Variants in FRMD4A observed in about 807,000 individuals in gnomAD.
FRMD4A encodes FERM domain-containing protein 4A.
A neutral mutation model predicts 129.1 loss-of-function variants in FRMD4A; 29 were observed. The ratio of observed to expected loss-of-function variants is 0.22; its 90% CI spans 0.17 to 0.31. FRMD4A has a LOEUF of 0.31. Among genes scored for constraint, FRMD4A ranks in the 10% least tolerant of loss-of-function variants. The probability of loss-of-function intolerance (pLI) is 1.00; values close to 1 mark genes in which losing one functional copy is unlikely to be tolerated. For missense variants in FRMD4A, 1,272 were observed against 1,375.8 expected (o/e 0.92, Z 1.19); for synonymous variants, 634 against 571.6 (o/e 1.11, Z -1.56).
chr10:14,191,568 A>C (rs568730687), intron 2 of FRMD4A, among the ~76,000 whole-genome samples: 1 of 152,342 alleles, frequency 6.6e-6, no homozygotes, highest in Admixed American at 6.5e-5. Flanking sequence ...ACTACACAAG[A>C]GAACAAAAAG....
chr10:14,069,815 C>T (rs1031338539), intron 2 of FRMD4A, among the ~76,000 whole-genome samples: 4 of 152,084 alleles, frequency 2.6e-5, no homozygotes, highest in Admixed American at 6.5e-5. Flanking sequence ...AATATTTGCA[C>T]GGCCCATGGA....
rs1273211781 is a variant in FRMD4A, at chr10:14,217,358, C to T, written c.45+112700G>A. Among the ~76,000 whole-genome samples the T allele has an allele frequency of 4.6e-5, 7 of 152,082 alleles. No individual in the cohort carries two copies. The South Asian group carries it at 8.4e-4, about 18-fold the overall frequency. On this transcript the variant is annotated intron_variant, in intron 2 of 24. Transcript: ENST00000357447. Reference sequence around the variant, plus strand: ...GTGGGAGATCACTGAATCATGGGGGCGGTTTCCCCCATAATGTTTTCATGG... The same window carrying T: ...GTGGGAGATCACTGAATCATGGGGGTGGTTTCCCCCATAATGTTTTCATGG...
intron 2 of FRMD4A, among the ~76,000 whole-genome samples, chr10:14,287,396 T>A (rs1354796900): frequency 1.3e-5 from 2 of 152,240 alleles, no homozygotes; most frequent in Admixed American, 6.5e-5. Flanking sequence ...GTTTTACAGT[T>A]AGTAGTTACA....
chr10:14,050,606 G>A (rs764669501), intron 2 of FRMD4A, among the ~76,000 whole-genome samples: 1 of 152,100 alleles, frequency 6.6e-6, no homozygotes, highest in Admixed American at 6.5e-5. Flanking sequence ...GATGTAATTA[G>A]AGGGTTGGGA....
chr10:13,758,851 A>C (rs895869056), intron 8 of FRMD4A, among the ~76,000 whole-genome samples: 1 of 152,208 alleles, frequency 6.6e-6, no homozygotes, highest in Admixed American at 6.5e-5. Flanking sequence ...TAAATCATAA[A>C]TAAATTTATT....
chr10:13,899,267 A>G (rs2094793309), intron 2 of FRMD4A, among the ~76,000 whole-genome samples: 1 of 152,226 alleles, frequency 6.6e-6, no homozygotes, highest in South Asian at 2.1e-4. Context: ...ATAGTGAACA[A>G]CTAACATTGT....
At chr10:13,880,481 C>T (rs4623787) in intron 2 of FRMD4A, among the ~76,000 whole-genome samples, 57 of 152,332 alleles carry the variant, frequency 3.7e-4, no homozygotes, top group African/African-American at 1.3e-3. Context: ...CAATCTCACC[C>T]ACACGGCACC....
At chr10:13,745,912 A>G (rs2091266852) in intron 9 of FRMD4A, among the ~76,000 whole-genome samples, 1 of 152,204 alleles carries the variant, frequency 6.6e-6, no homozygotes. Flanking sequence ...AGGGTCCATG[A>G]ACAAGGAAAC....
intron 2 of FRMD4A, among the ~76,000 whole-genome samples, chr10:14,207,491 C>T (rs1842816777): frequency 6.6e-6 from 1 of 152,092 alleles, no homozygotes; most frequent in South Asian, 2.1e-4. Context: ...GTCTATAGTA[C>T]AATATAACCC....
chr10:13,698,243 C>A (rs1250676585), intron 14 of FRMD4A, among the ~76,000 whole-genome samples: 2 of 152,208 alleles, frequency 1.3e-5, no homozygotes, highest in Non-Finnish European at 2.9e-5. Flanking sequence ...CTAGACCTCA[C>A]TTGTCTCTCT....
intron 6 of FRMD4A, among the ~76,000 whole-genome samples, chr10:13,777,891 C>T (rs899014189): frequency 3.3e-5 from 5 of 150,812 alleles, no homozygotes; most frequent in African/African-American, 1.2e-4. Flanking sequence ...CTCAGCCTCC[C>T]GGGTTCGCTC....
At chr10:14,053,860 C>T (rs1434968766) in intron 2 of FRMD4A, among the ~76,000 whole-genome samples, 1 of 151,786 alleles carries the variant, frequency 6.6e-6, no homozygotes, top group Non-Finnish European at 1.5e-5. Flanking sequence ...CCCGTCTCTA[C>T]AAAAAAATGA....
At chr10:13,845,171 C>T (rs2094025264) in intron 3 of FRMD4A, among the ~76,000 whole-genome samples, 2 of 152,166 alleles carry the variant, frequency 1.3e-5, no homozygotes, top group Non-Finnish European at 2.9e-5. Context: ...ATCACTGGAG[C>T]ACAAAACCTA....
In FRMD4A at chr10:14,152,117, C is replaced by CTTTTTTT. The variant is rs36023583; in HGVS notation, c.45+177934_45+177940dup. 1.1e-4 allele frequency among the ~76,000 whole-genome samples: 6 copies of CTTTTTTT among 54,152 alleles called. 1 individual carries two copies. Among genetic ancestry groups the CTTTTTTT allele is most frequent in the African/African-American group, 3.0e-4 (4 of 13,322 alleles). 35.5% of individuals were successfully genotyped at this position (54,152 alleles called of 152,430 possible). ...CAAAGCAGGATATGTTTGTGTAGTG[C>CTTTTTTT]TTTTTTTTTTTTTTTTTTTTTTTTT... On this transcript the variant is annotated intron_variant, in intron 2 of 24. Coordinates refer to ENST00000357447, the MANE Select transcript of FRMD4A (RefSeq NM_018027.5).
At chr10:13,788,808 C>T (rs1347322398) in intron 5 of FRMD4A, among the ~76,000 whole-genome samples, 5 of 135,242 alleles carry the variant, frequency 3.7e-5, no homozygotes, top group Non-Finnish European at 7.9e-5. Flanking sequence ...TAAACAGCCT[C>T]TAAAGCCTCG....
At position 14,127,964 on chromosome 10, in the gene FRMD4A, T is replaced by TTCTC. The variant is rs1564319225; in HGVS notation, c.45+202093_45+202094insGAGA. 3.0e-3 allele frequency among the ~76,000 whole-genome samples: 105 copies of TTCTC among 35,358 alleles called. 4 individuals carry two copies. Among genetic ancestry groups the TTCTC allele is most frequent in the African/African-American group, 0.015 (103 of 6,722 alleles). 23.2% of individuals were successfully genotyped at this position (35,358 alleles called of 152,430 possible). On this transcript the variant is annotated intron_variant, in intron 2 of 24. Transcript: ENST00000357447. Reference sequence around the variant, plus strand: ...TTTCTTTCTTTCTTTCTTTCTTTCTTTCTTTCTTTCTTTCCTTCTCTCTCT... The same window carrying TTCTC: ...TTTCTTTCTTTCTTTCTTTCTTTCTTTCTCTCTTTCTTTCTTTCCTTCTCTCTCT...
rs749853531 is a variant in FRMD4A, at chr10:13,740,550, C to T, written c.576G>A (p.Lys192=). ...GACCTCTTGTCTGACCGTTCAGTTT[C>T]TTGTAGTGCTCAATGACTCTGTCTT... is the stretch of plus-strand genomic sequence containing the variant. The part of the protein sequence containing the change: ...YCEDRVIEHY[K]KLNGQTRGQA... Residue 192 remains lysine, a synonymous_variant, in exon 10 of 25, where the codon AAG becomes AAA. Transcript: ENST00000357447. 1.3e-6 allele frequency: 2 copies of T among 1,592,002 alleles called. No homozygotes were observed. Among genetic ancestry groups the T allele is most frequent in the Non-Finnish European group, 1.7e-6 (2 of 1,163,102 alleles).
At chr10:14,302,551 A>C (rs1846219695) in intron 2 of FRMD4A, among the ~76,000 whole-genome samples, 2 of 152,192 alleles carry the variant, frequency 1.3e-5, no homozygotes, top group African/African-American at 4.8e-5. Context: ...TACACAATGG[A>C]GATAACAGGT....
intron 2 of FRMD4A, among the ~76,000 whole-genome samples, chr10:14,002,942 A>AGC (rs2095647864): frequency 3.9e-5 from 6 of 152,210 alleles, no homozygotes; most frequent in African/African-American, 1.4e-4. Flanking sequence ...TGGTTGGAAT[A>AGC]TAACATTCCC....
Sources: allele counts gnomAD v4.1 joint callset (sites outside exome capture counted in the v4.1 genomes callset), GRCh38; gene constraint gnomAD v4.1.1; transcripts MANE v1.5; gene names NCBI Gene and HGNC (gene_info 2026-07-23, HGNC 2026-07-21).